Variants in VAV2 observed in about 807,000 individuals in gnomAD.
VAV2 encodes vav guanine nucleotide exchange factor 2, also known as guanine nucleotide exchange factor VAV2.
A neutral mutation model predicts 132.5 loss-of-function variants in VAV2; 67 were observed. That is an observed-to-expected ratio of 0.51 (90% confidence interval 0.42 to 0.62). The LOEUF (loss-of-function observed/expected upper bound fraction) is 0.62, where lower values mean the gene tolerates loss of function less well. Ranked by LOEUF, VAV2 falls within the 20% of genes least tolerant of loss-of-function variation. VAV2 has a pLI of 0.00. For missense variants in VAV2, 938 were observed against 1,153.6 expected (o/e 0.81, Z 2.71); for synonymous variants, 492 against 443.5 (o/e 1.11, Z -1.37).
intron 1 of VAV2, among the ~76,000 whole-genome samples, chr9:133,965,533 T>A (rs1842116417): frequency 1.3e-5 from 2 of 148,498 alleles, no homozygotes; most frequent in South Asian, 4.2e-4. Context: ...ATACCATTTA[T>A]AACAGCTACA....
chr9:133,798,317 AAGCAGGGGACAAC>A (rs1834802475), intron 9 of VAV2, among the ~76,000 whole-genome samples: 1 of 152,120 alleles, frequency 6.6e-6, no homozygotes, highest in Admixed American at 6.5e-5. Flanking sequence ...TGGATTCCAC[AAGCAGGGGACAAC>A]AGCAGTGACA....
intron 3 of VAV2, among the ~76,000 whole-genome samples, chr9:133,860,489 T>A (rs1199251868): frequency 6.6e-6 from 1 of 151,824 alleles, no homozygotes; most frequent in Non-Finnish European, 1.5e-5. Flanking sequence ...ACCCAAAAGC[T>A]CCAGTACCAT....
At chr9:133,897,425 C>T (rs776551579) in intron 2 of VAV2, among the ~76,000 whole-genome samples, 2 of 152,144 alleles carry the variant, frequency 1.3e-5, no homozygotes, top group African/African-American at 2.4e-5. Flanking sequence ...TGGCCCATCC[C>T]TCAAGACATC....
In VAV2 at chr9:133,820,757, G is replaced by A. The variant is rs541923819; in HGVS notation, c.450-8541C>T. Among the ~76,000 whole-genome samples the A allele has an allele frequency of 5.9e-5, 9 of 152,336 alleles. No individual in the cohort carries two copies. In the South Asian group the frequency reaches 1.9e-3, roughly 32 times the overall value. ...CACAGCTGTCCACTGGGAGGAAGAG[G>A]GAACCCTCAGGGGCTGGGCTGGAGG... On this transcript the variant is annotated intron_variant, in intron 4 of 29. Coordinates refer to ENST00000371850, the MANE Select transcript of VAV2 (RefSeq NM_001134398.2).
chr9:133,880,703 A>G (rs1838455975), intron 2 of VAV2, among the ~76,000 whole-genome samples: 1 of 152,236 alleles, frequency 6.6e-6, no homozygotes, highest in African/African-American at 2.4e-5. Context: ...CATTCATTGT[A>G]ACCAAAGCAC....
At chr9:133,850,542 C>G (rs761835376) in intron 3 of VAV2, among the ~76,000 whole-genome samples, 1 of 152,212 alleles carries the variant, frequency 6.6e-6, no homozygotes, top group Non-Finnish European at 1.5e-5. Context: ...GGCTGAGTAT[C>G]AACATCATGA....
Position 133,763,381 on chromosome 9 carries a change from C to CA in VAV2, c.*680_*681insT. ...TGGAATTTCATCATTCCAAAGGCCCCTCCCAAGAGAGGGGCCTGCCGTGTG... is the reference window on the plus strand; with the variant it reads ...TGGAATTTCATCATTCCAAAGGCCCCATCCCAAGAGAGGGGCCTGCCGTGTG... On this transcript the variant is annotated 3_prime_UTR_variant, in exon 30 of 30. Coordinates refer to ENST00000371850, the MANE Select transcript of VAV2 (RefSeq NM_001134398.2). This position sits in a 1 kb window ranked among gnomAD's most constrained non-coding sequence, Gnocchi z 6.8. 6.6e-6 allele frequency: 1 copy of CA among 152,342 alleles called. No individual in the cohort carries two copies. The highest frequency in any genetic ancestry group is 6.5e-5 in the Admixed American group (1 of 15,306). The allele number at this position is 152,342 out of a possible 1,614,324, so 9.4% of individuals were successfully genotyped here.
chr9:133,853,293 A>G (rs1837258155), intron 3 of VAV2, among the ~76,000 whole-genome samples: 1 of 152,080 alleles, frequency 6.6e-6, no homozygotes, highest in African/African-American at 2.4e-5. Flanking sequence ...GTGGGTCTCC[A>G]GTCAGCAAGC....
rs377300082 is a variant in VAV2, at chr9:133,787,272, G to A, written c.1408-12C>T. The A allele has an allele frequency of 1.3e-6, 2 of 1,584,402 alleles. No homozygotes were observed. Among genetic ancestry groups the A allele is most frequent in the Middle Eastern group, 1.7e-4 (1 of 5,886 alleles). On this transcript the variant is annotated splice_polypyrimidine_tract_variant and intron_variant, in intron 15 of 29. Coordinates refer to ENST00000371850, the MANE Select transcript of VAV2 (RefSeq NM_001134398.2). The stretch of plus-strand genomic sequence containing the variant: ...ATTTTCCCGTGAGACTAGGAAGCAT[G>A]GAGAGGAGAGGAAGGGGAAGACGGT...
In VAV2 at chr9:133,935,959, G is replaced by A. The variant is rs2810521; in HGVS notation, c.321+3144C>T. On this transcript the variant is annotated intron_variant, in intron 2 of 29. Coordinates refer to ENST00000371850, the MANE Select transcript of VAV2 (RefSeq NM_001134398.2). The surrounding 1 kb of genome is among the most constrained non-coding windows in gnomAD (Gnocchi z 5.2). ...TTCACGCGGGCTCCAGGAGGCAAAG[G>A]GCATGGCTCAGATGCGGAGACCAGA... Among the ~76,000 whole-genome samples, 69,232 of 152,138 alleles carry A rather than the reference G, an allele frequency of 0.46. 15,906 individuals carry two copies. The highest frequency in any genetic ancestry group is 0.64 in the East Asian group (3,322 of 5,152).
At chr9:133,858,153 T>G (rs922421475) in intron 3 of VAV2, among the ~76,000 whole-genome samples, 2 of 152,180 alleles carry the variant, frequency 1.3e-5, no homozygotes, top group Non-Finnish European at 2.9e-5. Flanking sequence ...AGATAGGCCC[T>G]CCGGATAAGA....
rs114383850 is a variant in VAV2 at position 133,866,874 on chromosome 9, G to A, written c.322-5442C>T. Among the ~76,000 whole-genome samples, 1,268 of 152,090 alleles carry A rather than the reference G, an allele frequency of 8.3e-3. 16 individuals carry two copies. The highest frequency in any genetic ancestry group is 0.029 in the African/African-American group (1,198 of 41,484). On this transcript the variant is annotated intron_variant, in intron 2 of 29. Transcript: ENST00000371850. Reference sequence around the variant, plus strand: ...GATGACAGATGATGGGGTGGTGTCTGTTTAGCACATGTCACAGGGTGGCAG... The same window carrying A: ...GATGACAGATGATGGGGTGGTGTCTATTTAGCACATGTCACAGGGTGGCAG...
chr9:133,871,208 A>C (rs1166837648), intron 2 of VAV2, among the ~76,000 whole-genome samples: 1 of 143,638 alleles, frequency 7.0e-6, no homozygotes, highest in African/African-American at 2.6e-5. Flanking sequence ...GGCTGGCTGG[A>C]TGGATAAGTG....
At chr9:133,765,541 G>A (rs1406090025) in intron 29 of VAV2, among the ~76,000 whole-genome samples, 1 of 152,196 alleles carries the variant, frequency 6.6e-6, no homozygotes, top group Non-Finnish European at 1.5e-5. Context: ...AAGTGTAAAA[G>A]TCATGTAAGG....
intron 1 of VAV2, among the ~76,000 whole-genome samples, chr9:133,964,024 T>TATATATATATATATATACATATATATAC (rs1842048287): frequency 2.0e-5 from 1 of 49,788 alleles, no homozygotes; most frequent in Non-Finnish European, 3.5e-5. Context: ...TATTCATTCA[T>TATATATATATATATATACATATATATAC]ATATATATAT....
intron 25 of VAV2, among the ~76,000 whole-genome samples, chr9:133,773,464 C>A (rs1382607437): frequency 1.3e-5 from 2 of 152,210 alleles, no homozygotes; most frequent in Admixed American, 1.3e-4. Context: ...GACACTGAGG[C>A]TACACTACAT....
chr9:133,925,298 C>A lies in VAV2; in HGVS notation c.321+13805G>T, dbSNP rs554648271. On this transcript the variant is annotated intron_variant, in intron 2 of 29. Coordinates refer to ENST00000371850, the MANE Select transcript of VAV2 (RefSeq NM_001134398.2). The stretch of plus-strand genomic sequence containing the variant: ...GTGGCACAATCTTGGGACACTGCAA[C>A]CTCCGCCTCCCGGGCTCAAGCAATT... 5.3e-5 allele frequency among the ~76,000 whole-genome samples: 8 copies of A among 152,302 alleles called. 1 individual carries two copies. In the South Asian group the frequency reaches 1.7e-3, roughly 32 times the overall value.
rs200644044 is a variant in VAV2, at chr9:133,788,402, C to T, written c.1359G>A (p.Leu453=). The T allele has an allele frequency of 1.9e-6, 3 of 1,612,138 alleles. No homozygotes were observed. Among genetic ancestry groups the T allele is most frequent in the African/African-American group, 2.7e-5 (2 of 75,016 alleles). Residue 453 remains leucine (L), a synonymous_variant, in exon 15 of 30, where the codon CTG becomes CTA. Coordinates refer to ENST00000371850, the MANE Select transcript of VAV2 (RefSeq NM_001134398.2). This position sits in a 1 kb window ranked among gnomAD's most constrained non-coding sequence, Gnocchi z 5.3. ...SYELKEIIEL[L]FHKMTDDPMN... Reference sequence around the variant, plus strand: ...TGGGGTCGTCGGTCATCTTGTGGAACAGCAGCTCGATGATCTCCTTGAGCT... The same window carrying T: ...TGGGGTCGTCGGTCATCTTGTGGAATAGCAGCTCGATGATCTCCTTGAGCT...
intron 3 of VAV2, among the ~76,000 whole-genome samples, chr9:133,839,666 G>A (rs920165111): frequency 6.6e-6 from 1 of 152,002 alleles, no homozygotes; most frequent in African/African-American, 2.4e-5. Flanking sequence ...GGCCATGCTG[G>A]TCTCAAACTC....
Sources: gnomAD v4.1 joint callset for allele counts (sites outside exome capture counted in the v4.1 genomes callset) on GRCh38, gnomAD v4.1.1 for gene constraint, Gnocchi (gnomAD v3.1) non-coding constraint, MANE v1.5 for transcripts, NCBI Gene and HGNC (gene_info 2026-07-23, HGNC 2026-07-21) for gene names.